The following NAALADL2 variants were observed in gnomAD, a reference collection of about 807,000 sequenced individuals.
NAALADL2 encodes inactive N-acetylated-alpha-linked acidic dipeptidase-like protein 2.
A neutral mutation model predicts 87.2 loss-of-function variants in NAALADL2; 76 were observed. That is an observed-to-expected ratio of 0.87 (90% CI 0.72 to 1.05). The LOEUF (loss-of-function observed/expected upper bound fraction) is 1.05, where lower values mean the gene tolerates loss of function less well. Among genes scored for constraint, NAALADL2 ranks in the 50% least tolerant of loss-of-function variants. NAALADL2 has a pLI of 0.00. For missense variants in NAALADL2, 1,089 were observed against 945.8 expected (o/e 1.15, Z -1.99); for synonymous variants, 354 against 331.0 (o/e 1.07, Z -0.75).
intron 11 of NAALADL2, among the ~76,000 whole-genome samples, chr3:175,658,538 T>C (rs770595718): frequency 8.5e-5 from 13 of 152,284 alleles, no homozygotes; most frequent in South Asian, 2.1e-4. Flanking sequence ...GGGTAAAATA[T>C]GCAACAGGGT....
chr3:175,188,476 A>T (rs1737666189), intron 2 of NAALADL2, among the ~76,000 whole-genome samples: 1 of 152,114 alleles, frequency 6.6e-6, no homozygotes, highest in Non-Finnish European at 1.5e-5. Context: ...AGGAACTGGA[A>T]TCTTGGGCAG....
chr3:174,995,359 A>G (rs1257863031), intron 1 of NAALADL2, among the ~76,000 whole-genome samples: 1 of 152,154 alleles, frequency 6.6e-6, no homozygotes, highest in East Asian at 1.9e-4. Context: ...TGTTTAATTA[A>G]TTTAAAAAAT....
chr3:175,077,715 T>TA (rs1220575621), intron 1 of NAALADL2, among the ~76,000 whole-genome samples: 1 of 152,126 alleles, frequency 6.6e-6, no homozygotes. Context: ...GCTGCTCTTT[T>TA]AAAAAAATTG....
At chr3:174,505,772 C>G (rs1358652613) in intron 1 of NAALADL2, among the ~76,000 whole-genome samples, 1 of 152,164 alleles carries the variant, frequency 6.6e-6, no homozygotes, top group Non-Finnish European at 1.5e-5. Context: ...AGCTACAGCT[C>G]ATTTTTTAAT....
intron 1 of NAALADL2, among the ~76,000 whole-genome samples, chr3:174,905,926 C>T (rs1021420831): frequency 2.6e-5 from 4 of 152,066 alleles, no homozygotes; most frequent in African/African-American, 9.7e-5. Flanking sequence ...GGATATTAAT[C>T]TTTGTTTACA....
intron 1 of NAALADL2, among the ~76,000 whole-genome samples, chr3:175,050,403 A>G (rs1302904295): frequency 1.3e-5 from 2 of 152,180 alleles, no homozygotes; most frequent in African/African-American, 4.8e-5. Context: ...CTGGGATCAC[A>G]GGGACGCACC....
intron 1 of NAALADL2, among the ~76,000 whole-genome samples, chr3:174,507,934 T>A (rs1719307805): frequency 6.6e-6 from 1 of 152,068 alleles, no homozygotes; most frequent in South Asian, 2.1e-4. Flanking sequence ...ATTGATGAGT[T>A]GAAGTAAGTA....
At chr3:174,646,327 TATAAA>T (rs1239324324) in intron 2 of NAALADL2, among the ~76,000 whole-genome samples, 2 of 152,130 alleles carry the variant, frequency 1.3e-5, no homozygotes, top group Non-Finnish European at 2.9e-5. Context: ...CATGGGATAG[TATAAA>T]ATAAAAATAG....
chr3:175,737,720 T>TTTTG (rs1744692838), intron 12 of NAALADL2, among the ~76,000 whole-genome samples: 1 of 136,634 alleles, frequency 7.3e-6, no homozygotes, highest in Non-Finnish European at 1.6e-5. Flanking sequence ...TCCAGTTTTT[T>TTTTG]TTTTTTTTTT....
intron 4 of NAALADL2, among the ~76,000 whole-genome samples, chr3:175,303,375 T>C (rs1213705101): frequency 1.3e-5 from 2 of 152,164 alleles, no homozygotes; most frequent in African/African-American, 2.4e-5. Context: ...ATAAAAATCA[T>C]ATGATTTTTA....
intron 10 of NAALADL2, among the ~76,000 whole-genome samples, chr3:175,591,669 G>A (rs1721466903): frequency 1.3e-5 from 2 of 151,734 alleles, no homozygotes; most frequent in South Asian, 2.1e-4. Flanking sequence ...AATTTCTGTA[G>A]ACACTAAGGG....
intron 3 of NAALADL2, among the ~76,000 whole-genome samples, chr3:174,743,158 G>A (rs1733919413): frequency 6.6e-6 from 1 of 151,638 alleles, no homozygotes; most frequent in African/African-American, 2.4e-5. Flanking sequence ...CCAAGAAGTG[G>A]CGTATGTTTA....
chr3:174,787,598 T>TACATATATATATATACAC, intron 3 of NAALADL2, among the ~76,000 whole-genome samples: 3 of 60,174 alleles, frequency 5.0e-5, no homozygotes, highest in African/African-American at 1.7e-4. Flanking sequence ...TATATATATA[T>TACATATATATATATACAC]ATATATATAT....
intron 5 of NAALADL2, among the ~76,000 whole-genome samples, chr3:175,431,579 C>T (rs1451251074): frequency 6.6e-6 from 1 of 151,894 alleles, no homozygotes; most frequent in African/African-American, 2.4e-5. Context: ...TAAGGAATGT[C>T]GGCGTGCAGG....
At chr3:174,982,497 C>T (rs1322935388) in intron 1 of NAALADL2, among the ~76,000 whole-genome samples, 1 of 152,114 alleles carries the variant, frequency 6.6e-6, no homozygotes, top group African/African-American at 2.4e-5. Context: ...TAAAAATATT[C>T]ATCTATGAAC....
chr3:175,612,375 G>A (rs1357815812), intron 10 of NAALADL2, among the ~76,000 whole-genome samples: 1 of 152,144 alleles, frequency 6.6e-6, no homozygotes, highest in Non-Finnish European at 1.5e-5. Flanking sequence ...ATAAAATCTA[G>A]ATAAGCTGTT....
rs1378833597 is a variant in NAALADL2 at position 175,803,786 on chromosome 3, T to TAAGTA, written c.*584_*588dup. The TAAGTA allele has an allele frequency of 6.6e-6, 1 of 152,396 alleles. No individual in the cohort carries two copies. Among genetic ancestry groups the TAAGTA allele is most frequent in the Non-Finnish European group, 1.5e-5 (1 of 67,914 alleles). 9.4% of individuals were successfully genotyped at this position (152,396 alleles called of 1,614,324 possible). On this transcript the variant is annotated 3_prime_UTR_variant, in exon 14 of 14. Coordinates refer to ENST00000454872, the MANE Select transcript of NAALADL2 (RefSeq NM_207015.3). ...CACTGGTTATGAAATTGTATTTTTT[T>TAAGTA]AAGTATTAATGAAAAAAGAGCCATA...
intron 2 of NAALADL2, among the ~76,000 whole-genome samples, chr3:175,223,218 GTATT>G (rs202104490): frequency 0.011 from 1,646 of 151,098 alleles, 31 homozygotes; most frequent in African/African-American, 0.039. Flanking sequence ...TAGATTCCTG[GTATT>G]TATTCATCTT....
chr3:175,129,970 T>A (rs1331166748), intron 2 of NAALADL2, among the ~76,000 whole-genome samples: 6 of 152,186 alleles, frequency 3.9e-5, no homozygotes. Flanking sequence ...TTGCCAACAC[T>A]TGTCTCTTGT....
Sources: gnomAD v4.1 joint callset for allele counts (sites outside exome capture counted in the v4.1 genomes callset) on GRCh38, gnomAD v4.1.1 for gene constraint, MANE v1.5 for transcripts, NCBI Gene and HGNC (gene_info 2026-07-23, HGNC 2026-07-21) for gene names.